Variants in BMI1 observed in about 807,000 individuals in gnomAD.
BMI1 encodes BMI1 proto-oncogene, polycomb ring finger.
BMI1 carries 9 observed loss-of-function variants against 39.1 expected under a neutral mutation model. The observed-to-expected ratio is 0.23, with a 90% confidence interval of 0.14 to 0.40. The LOEUF is 0.40. Ranked by LOEUF, BMI1 falls within the 10% of genes least tolerant of loss-of-function variation. The pLI, the probability that BMI1 is intolerant of heterozygous loss-of-function variation, is 1.00. For missense variants in BMI1, 252 were observed against 390.8 expected (o/e 0.64, Z 2.99); for synonymous variants, 131 against 127.9 (o/e 1.02, Z -0.16).
intron 7 of BMI1, 26 bp downstream of exon 7, chr10:22,328,205 T>G: frequency 1.3e-6 from 2 of 1,582,714 alleles, no homozygotes; most frequent in Non-Finnish European, 8.5e-7. Flanking sequence ...CAAAAACATA[T>G]AGAAGAAACA....
chr10:22,326,220 G>A lies in BMI1; in HGVS notation c.-19-211G>A, dbSNP rs1040388347. On this transcript the variant is annotated intron_variant, in intron 1 of 9. Coordinates refer to ENST00000376663, the MANE Select transcript of BMI1 (RefSeq NM_005180.9). Reference sequence around the variant, plus strand: ...TTCTACCTACAGGAATGATCTGAGAGACCAGAAGTAATGTTAGTTGGATCC... The same window carrying A: ...TTCTACCTACAGGAATGATCTGAGAAACCAGAAGTAATGTTAGTTGGATCC... 5 of 567,896 alleles carry A rather than the reference G, an allele frequency of 8.8e-6. No individual in the cohort carries two copies. In the Admixed American group the frequency reaches 1.7e-4, roughly 19 times the overall value. The allele number at this position is 567,896 out of a possible 1,614,324, so 35.2% of individuals were successfully genotyped here. A position where few individuals can be genotyped will look rare whatever the true frequency, so the allele number is the denominator to read the frequency against.
At chr10:22,324,422 T>G (rs995379616) in intron 1 of BMI1, among the ~76,000 whole-genome samples, 4 of 152,204 alleles carry the variant, frequency 2.6e-5, no homozygotes, top group Non-Finnish European at 5.9e-5. Context: ...CTACAACTCC[T>G]CCGTGCCCCG....
At position 22,329,686 on chromosome 10, in the gene BMI1, G is replaced by T. The variant is rs1376139423; in HGVS notation, c.*144G>T. 2 of 956,218 alleles carry T rather than the reference G, an allele frequency of 2.1e-6. No individual in the cohort carries two copies. The highest frequency in any genetic ancestry group is 3.0e-6 in the Non-Finnish European group (2 of 661,208). 59.2% of individuals were successfully genotyped at this position (956,218 alleles called of 1,614,324 possible). A position where few individuals can be genotyped will look rare whatever the true frequency, so the allele number is the denominator to read the frequency against. On this transcript the variant is annotated 3_prime_UTR_variant, in exon 10 of 10. Transcript: ENST00000376663. ...AGTGACATTAAATTTGGCTATAAAA[G>T]ATGGACTACATGTGATACTCCTATG...
chr10:22,328,509 A>G (rs969971331), intron 7 of BMI1, 91 bp from the exon 8 acceptor site: 57 of 1,366,956 alleles, frequency 4.2e-5, no homozygotes, highest in Non-Finnish European at 5.5e-5. Context: ...TTTGTTTGAT[A>G]CTAGTATCTT....
At chr10:22,327,716 T>C in intron 4 of BMI1, 26 bp from the exon 5 acceptor site, 5 of 1,613,278 alleles carry the variant, frequency 3.1e-6, no homozygotes, top group South Asian at 2.2e-5. Flanking sequence ...TTATGCCAAA[T>C]GTTTACATCT....
intron 5 of BMI1, 58 bp downstream of exon 5, chr10:22,327,850 T>G (rs1836193961): frequency 1.9e-6 from 3 of 1,602,526 alleles, no homozygotes; most frequent in Non-Finnish European, 2.6e-6. Flanking sequence ...ATCTAGGAAT[T>G]AAAATGTATT....
intron 1 of BMI1, among the ~76,000 whole-genome samples, chr10:22,324,679 G>C (rs1273761795): frequency 6.6e-6 from 1 of 152,120 alleles, no homozygotes; most frequent in Non-Finnish European, 1.5e-5. Flanking sequence ...TAAAACCGCA[G>C]GTATATCTTA....
At chr10:22,322,714 C>T (rs1335892709) in intron 1 of BMI1, among the ~76,000 whole-genome samples, 3 of 152,224 alleles carry the variant, frequency 2.0e-5, no homozygotes, top group African/African-American at 4.8e-5. Context: ...CACTCAGCAT[C>T]ATGACTCCAG....
At chr10:22,328,546 T>G (rs1836212044) in intron 7 of BMI1, 54 bp from the exon 8 acceptor site, 10 of 1,545,958 alleles carry the variant, frequency 6.5e-6, no homozygotes, top group Non-Finnish European at 7.8e-6. Context: ...AAATTGAAAC[T>G]TTCTTCATAT....
Position 22,327,666 on chromosome 10 carries a change from A to G in BMI1, c.265+16A>G. 1 of 1,613,194 alleles carries G rather than the reference A, an allele frequency of 6.2e-7. No homozygotes were observed. Among genetic ancestry groups the G allele is most frequent in the Non-Finnish European group, 8.5e-7 (1 of 1,179,488 alleles). On this transcript the variant is annotated intron_variant, in intron 4 of 9. Coordinates refer to ENST00000376663, the MANE Select transcript of BMI1 (RefSeq NM_005180.9). ...CTTTTCAAAAGTGAGTAACTTGCTT[A>G]GAAAATGAATTTAAAGAGATTATTC...
At chr10:22,326,845 C>T (rs1564350367) in intron 2 of BMI1, 45 bp from the exon 3 acceptor site, 2 of 1,593,746 alleles carry the variant, frequency 1.3e-6, no homozygotes, top group East Asian at 2.2e-5. Context: ...ATGATTTATC[C>T]ACTCATTTCT....
At position 22,329,731 on chromosome 10, in the gene BMI1, G is replaced by T; in HGVS notation, c.*189G>T. On this transcript the variant is annotated 3_prime_UTR_variant, in exon 10 of 10. Coordinates refer to ENST00000376663, the MANE Select transcript of BMI1 (RefSeq NM_005180.9). The stretch of plus-strand genomic sequence containing the variant: ...CCTATGGACGTTAATTGAAAAGAAA[G>T]ATTGTTGTTATAAAGAATTGGTTTC... The T allele has an allele frequency of 3.0e-6, 2 of 673,496 alleles. No homozygotes were observed. Among genetic ancestry groups the T allele is most frequent in the Non-Finnish European group, 4.7e-6 (2 of 422,700 alleles). The allele number at this position is 673,496 out of a possible 1,614,324, so 41.7% of individuals were successfully genotyped here.
intron 5 of BMI1, 34 bp from the exon 6 acceptor site, chr10:22,327,916 T>G (rs749095820): frequency 1.9e-6 from 3 of 1,582,232 alleles, no homozygotes; most frequent in African/African-American, 2.8e-5. Context: ...AGGCATCTGA[T>G]TTTTAAAAAT....
In BMI1 at chr10:22,331,076, G is replaced by A. The variant is rs1389761501; in HGVS notation, c.*1534G>A. 1 of 152,462 alleles carries A rather than the reference G, an allele frequency of 6.6e-6. No individual in the cohort carries two copies. Among genetic ancestry groups the A allele is most frequent in the East Asian group, 1.9e-4 (1 of 5,200 alleles). The allele number at this position is 152,462 out of a possible 1,614,324, so 9.4% of individuals were successfully genotyped here. On this transcript the variant is annotated 3_prime_UTR_variant, in exon 10 of 10. Transcript: ENST00000376663. Reference sequence around the variant, plus strand: ...AATCATTACTTTTACATATATTGCTGTTACTTCTGCTTTCTTTAAAAATAT... The same window carrying A: ...AATCATTACTTTTACATATATTGCTATTACTTCTGCTTTCTTTAAAAATAT...
chr10:22,327,017 A>G (rs1836170284), intron 3 of BMI1, 31 bp downstream of exon 3: 5 of 1,604,640 alleles, frequency 3.1e-6, no homozygotes, highest in Non-Finnish European at 4.3e-6. Flanking sequence ...CTTGTTTGTA[A>G]TTATTATTGG....
chr10:22,331,662 C>A (rs1836285310), downstream of BMI1, among the ~76,000 whole-genome samples: 1 of 152,108 alleles, frequency 6.6e-6, no homozygotes, highest in African/African-American at 2.4e-5. Context: ...ATTTGACTTA[C>A]ATAAAACCAA....
At chr10:22,324,746 C>T (rs1035948605) in intron 1 of BMI1, among the ~76,000 whole-genome samples, 2 of 152,204 alleles carry the variant, frequency 1.3e-5, no homozygotes, top group Non-Finnish European at 2.9e-5. Flanking sequence ...GAATGTACTT[C>T]AGTGAGGTCT....
rs1219476475 is a variant in BMI1, at chr10:22,328,020, G to A, written c.387G>A (p.Glu129=). Residue 129 remains glutamate (E), a synonymous_variant, in exon 6 of 10, where the codon GAG becomes GAA. Transcript: ENST00000376663. ...DEDKRIITDD[E]IISLSIEFFD... ...ATAAGAGAATTATAACTGATGATGA[G>A]ATAATAAGCTTATCCATTGAATTCT... 1.2e-6 allele frequency: 2 copies of A among 1,610,766 alleles called. No individual in the cohort carries two copies. The highest frequency in any genetic ancestry group is 3.4e-5 in the Admixed American group (2 of 59,518).
rs1836152594 is a variant in BMI1, at chr10:22,326,411, A to G, written c.-19-20A>G. 2.5e-6 allele frequency: 4 copies of G among 1,608,714 alleles called. No individual in the cohort carries two copies. The highest frequency in any genetic ancestry group is 3.4e-6 in the Non-Finnish European group (4 of 1,179,808). ...CATTCTTGTTCTGTGAATTATGGCCATTATTTCTGTGTCTTGCAGGATTTT... is the reference window on the plus strand; with the variant it reads ...CATTCTTGTTCTGTGAATTATGGCCGTTATTTCTGTGTCTTGCAGGATTTT... On this transcript the variant is annotated intron_variant, in intron 1 of 9. Transcript: ENST00000376663.
Sources: gnomAD v4.1 joint callset for allele counts (sites outside exome capture counted in the v4.1 genomes callset) on GRCh38, gnomAD v4.1.1 for gene constraint, MANE v1.5 for transcripts, NCBI Gene and HGNC (gene_info 2026-07-23, HGNC 2026-07-21) for gene names.